The following JARID2 variants were observed in gnomAD, a reference collection of about 807,000 sequenced individuals.
JARID2 encodes the protein jumonji and AT-rich interaction domain containing 2.
A neutral mutation model predicts 125.6 loss-of-function variants in JARID2; 21 were observed. That is an observed-to-expected ratio of 0.17 (90% confidence interval 0.12 to 0.24). JARID2 has a LOEUF of 0.24. JARID2 is among the 10% of genes least tolerant of loss of function. The probability of loss-of-function intolerance (pLI) is 1.00; values close to 1 mark genes in which losing one functional copy is unlikely to be tolerated. For missense variants in JARID2, 1,303 were observed against 1,639.6 expected (o/e 0.79, Z 3.55); for synonymous variants, 736 against 661.6 (o/e 1.11, Z -1.73).
chr6:15,383,079 A>ACAGCCTATTTGCTT (rs1561827170), intron 2 of JARID2, among the ~76,000 whole-genome samples: 1 of 152,168 alleles, frequency 6.6e-6, no homozygotes, highest in Non-Finnish European at 1.5e-5. Context: ...CCTGTTTGCT[A>ACAGCCTATTTGCTT]CAGCCTATTT....
chr6:15,496,067 C>G, intron 6 of JARID2, 65 bp from the exon 7 acceptor site: 2 of 1,373,386 alleles, frequency 1.5e-6, no homozygotes, highest in African/African-American at 1.4e-5. Flanking sequence ...ACGGGTGGGC[C>G]GGTCATTTTA....
At chr6:15,283,341 ATT>A (rs58985984) in intron 1 of JARID2, among the ~76,000 whole-genome samples, 191 of 123,732 alleles carry the variant, frequency 1.5e-3, no homozygotes, top group Middle Eastern at 9.3e-3. Context: ...TCCTTTAAGT[ATT>A]TTTTTTTTTT....
intron 2 of JARID2, among the ~76,000 whole-genome samples, chr6:15,378,837 T>C (rs1764470309): frequency 6.6e-6 from 1 of 152,190 alleles, no homozygotes; most frequent in South Asian, 2.1e-4. Context: ...TATTTAAAAA[T>C]AACAGCAGAA....
At chr6:15,255,138 CTTTTTTTTT>C (rs753848936) in intron 1 of JARID2, among the ~76,000 whole-genome samples, 1 of 121,194 alleles carries the variant, frequency 8.3e-6, no homozygotes, top group Non-Finnish European at 1.7e-5. Flanking sequence ...ACTAGGAATT[CTTTTTTTTT>C]TTTTTTTTTT....
intron 3 of JARID2, among the ~76,000 whole-genome samples, chr6:15,431,735 G>A (rs1766976302): frequency 6.6e-6 from 1 of 152,160 alleles, no homozygotes; most frequent in Non-Finnish European, 1.5e-5. Flanking sequence ...ATGGCAGTTT[G>A]GATAATGACC....
intron 1 of JARID2, among the ~76,000 whole-genome samples, chr6:15,338,830 C>G (rs144211124): frequency 6.6e-6 from 1 of 152,226 alleles, no homozygotes; most frequent in Non-Finnish European, 1.5e-5. Flanking sequence ...CTTCTCCCTA[C>G]AGGACTTAAA....
At chr6:15,275,533 G>GC (rs61037434) in intron 1 of JARID2, among the ~76,000 whole-genome samples, 3,441 of 18,612 alleles carry the variant, frequency 0.18, 519 homozygotes, top group South Asian at 0.2. Context: ...CGCCCCCCCC[G>GC]CCCCCCCCCC....
In JARID2 at chr6:15,301,261, T is replaced by TC. The variant is rs543777661; in HGVS notation, c.45+54678dup. 2.0e-5 allele frequency among the ~76,000 whole-genome samples: 3 copies of TC among 152,336 alleles called. No homozygotes were observed. The East Asian group carries it at 5.8e-4, about 29-fold the overall frequency. On this transcript the variant is annotated intron_variant, in intron 1 of 17. Coordinates refer to ENST00000341776, the MANE Select transcript of JARID2 (RefSeq NM_004973.4). ...GCTCTTCTTTACTATAAAATTTTTTTCTTTTTTCACAGAGTGCCGAGAGTA... is the reference window on the plus strand; with the variant it reads ...GCTCTTCTTTACTATAAAATTTTTTTCCTTTTTTCACAGAGTGCCGAGAGTA...
intron 4 of JARID2, among the ~76,000 whole-genome samples, chr6:15,467,671 ATC>A (rs1199440391): frequency 6.6e-6 from 1 of 152,080 alleles, no homozygotes; most frequent in East Asian, 1.9e-4. Flanking sequence ...GCAAGACTCC[ATC>A]TCCCCACAAA....
intron 1 of JARID2, among the ~76,000 whole-genome samples, chr6:15,365,779 T>C (rs1763953438): frequency 6.6e-6 from 1 of 152,158 alleles, no homozygotes; most frequent in Non-Finnish European, 1.5e-5. Flanking sequence ...TGAAGTGCTT[T>C]TAATTTAAAC....
intron 2 of JARID2, among the ~76,000 whole-genome samples, chr6:15,386,886 G>T (rs557450911): frequency 6.6e-6 from 1 of 152,346 alleles, no homozygotes; most frequent in South Asian, 2.1e-4. Flanking sequence ...GAGTCAGACT[G>T]TCTCTTAAAC....
chr6:15,332,935 CTTTT>C (rs33921682), intron 1 of JARID2, among the ~76,000 whole-genome samples: 33 of 42,152 alleles, frequency 7.8e-4, no homozygotes, highest in Non-Finnish European at 9.5e-4. Flanking sequence ...CTTTTCTTTT[CTTTT>C]TTTTTTTTTT....
chr6:15,486,806 C>CTTTTTTTATTTTTT, intron 5 of JARID2, among the ~76,000 whole-genome samples: 1 of 100,512 alleles, frequency 9.9e-6, no homozygotes, highest in Admixed American at 1.0e-4. Context: ...TGAGAATAGA[C>CTTTTTTTATTTTTT]TTTTTTTTTT....
intron 3 of JARID2, among the ~76,000 whole-genome samples, chr6:15,420,414 G>A (rs1245370399): frequency 7.1e-6 from 1 of 139,992 alleles, no homozygotes; most frequent in Non-Finnish European, 1.6e-5. Context: ...AAAAAAAAAA[G>A]AAGTTAGATT....
In JARID2 at chr6:15,496,727, G is replaced by A. The variant is rs1473935768; in HGVS notation, c.1502G>A (p.Arg501Gln). 13 of 1,613,688 alleles carry A rather than the reference G, an allele frequency of 8.1e-6. No homozygotes were observed. Among genetic ancestry groups the A allele is most frequent in the South Asian group, 4.4e-5 (4 of 91,082 alleles). ...AGTCTGGAGAGGAATCGGCCGAAGC[G>A]GGCCACGGCCGGGAAGAGCACGCCA... The part of the protein sequence containing the change: ...ERSLERNRPK[R>Q]ATAGKSTPGR... Residue 501 changes from arginine to glutamine, a missense_variant, in exon 7 of 18, where the codon CGG becomes CAG. Around this residue, in one of 11 missense-constraint regions of JARID2, gnomAD observed 651 missense variants for 581.6 expected, o/e 1.12. Coordinates refer to ENST00000341776, the MANE Select transcript of JARID2 (RefSeq NM_004973.4).
chr6:15,439,188 G>T (rs1767344343), intron 3 of JARID2, among the ~76,000 whole-genome samples: 1 of 152,138 alleles, frequency 6.6e-6, no homozygotes, highest in Admixed American at 6.5e-5. Context: ...TAGGTTTGAG[G>T]TTGGGGTAAA....
At chr6:15,402,915 G>T (rs1197187013) in intron 2 of JARID2, among the ~76,000 whole-genome samples, 1 of 152,216 alleles carries the variant, frequency 6.6e-6, no homozygotes, top group Non-Finnish European at 1.5e-5. Flanking sequence ...ACCCAGAGCA[G>T]TTACGGCCTG....
chr6:15,482,127 T>C (rs1360201049), intron 5 of JARID2, among the ~76,000 whole-genome samples: 1 of 152,246 alleles, frequency 6.6e-6, no homozygotes, highest in African/African-American at 2.4e-5. Flanking sequence ...TCTTCAAGTG[T>C]CTGTGAAAGT....
intron 1 of JARID2, among the ~76,000 whole-genome samples, chr6:15,251,217 T>C (rs979120756): frequency 6.6e-6 from 1 of 152,194 alleles, no homozygotes; most frequent in Non-Finnish European, 1.5e-5. Flanking sequence ...CATTTCACCA[T>C]ATTGGCCTAG....
Sources: allele counts gnomAD v4.1 joint callset (sites outside exome capture counted in the v4.1 genomes callset), GRCh38; gene constraint gnomAD v4.1.1; regional missense constraint gnomAD v4.1.1; transcripts MANE v1.5; gene names NCBI Gene and HGNC (gene_info 2026-07-23, HGNC 2026-07-21).